Variants in PRKAR1B observed in about 807,000 individuals in gnomAD.
PRKAR1B encodes the protein protein kinase cAMP-dependent type I regulatory subunit beta.
In PRKAR1B, 22 loss-of-function variants were observed where a neutral mutation model predicts 46.5. The observed-to-expected ratio is 0.47, with a 90% CI of 0.34 to 0.68. The LOEUF (loss-of-function observed/expected upper bound fraction) is 0.68. PRKAR1B is among the 30% of genes least tolerant of loss of function. The pLI, the probability that PRKAR1B is intolerant of heterozygous loss-of-function variation, is 0.01. For synonymous variants in PRKAR1B, 259 were observed against 217.7 expected (o/e 1.19, Z -1.67); for missense variants, 445 against 535.6 (o/e 0.83, Z 1.67).
chr7:715,238 T>G (rs73047955), intron 1 of PRKAR1B, among the ~76,000 whole-genome samples: 16,235 of 152,192 alleles, frequency 0.11, 1,188 homozygotes, highest in Middle Eastern at 0.21. Context: ...GGCTTTTTGC[T>G]TTTTGTTAGT....
At chr7:676,445 G>T (rs1277019125) in intron 4 of PRKAR1B, among the ~76,000 whole-genome samples, 4 of 152,200 alleles carry the variant, frequency 2.6e-5, no homozygotes, top group African/African-American at 9.6e-5. Flanking sequence ...CCCCAACGAG[G>T]CTGTGAGCTT....
chr7:561,677 G>A (rs763303700), intron 9 of PRKAR1B, among the ~76,000 whole-genome samples: 3 of 152,262 alleles, frequency 2.0e-5, no homozygotes, highest in Non-Finnish European at 1.5e-5. Flanking sequence ...AACTGTCCTC[G>A]GGACGACAGC....
chr7:618,602 G>A (rs1047246796), intron 4 of PRKAR1B, among the ~76,000 whole-genome samples: 12 of 152,168 alleles, frequency 7.9e-5, no homozygotes, highest in Admixed American at 5.9e-4. Flanking sequence ...TGCCTGACAC[G>A]TTGGGGCTGC....
At chr7:556,722 C>T (rs1367987994) in intron 9 of PRKAR1B, among the ~76,000 whole-genome samples, 1 of 152,164 alleles carries the variant, frequency 6.6e-6, no homozygotes, top group Non-Finnish European at 1.5e-5. Flanking sequence ...CCCCACGCAC[C>T]TCCGGCACGT....
intron 9 of PRKAR1B, among the ~76,000 whole-genome samples, chr7:570,722 G>A (rs534312755): frequency 1.1e-4 from 16 of 152,204 alleles, no homozygotes; most frequent in African/African-American, 3.6e-4. Context: ...CCAGAGTAAC[G>A]CTGGCGTTCC....
intron 9 of PRKAR1B, among the ~76,000 whole-genome samples, chr7:570,570 C>G (rs978708237): frequency 1.3e-5 from 2 of 152,158 alleles, no homozygotes; most frequent in Non-Finnish European, 1.5e-5. Context: ...CCCGCCGTCC[C>G]CTCAGGGTGA....
At chr7:646,109 A>C (rs1360872950) in intron 4 of PRKAR1B, among the ~76,000 whole-genome samples, 5 of 151,950 alleles carry the variant, frequency 3.3e-5, no homozygotes, top group Non-Finnish European at 7.4e-5. Flanking sequence ...GCAGTGGTGC[A>C]ATCATAGCTC....
At chr7:645,892 G>A (rs1001881042) in intron 4 of PRKAR1B, among the ~76,000 whole-genome samples, 2 of 152,168 alleles carry the variant, frequency 1.3e-5, no homozygotes, top group African/African-American at 4.8e-5. Flanking sequence ...GCCCAGCCCC[G>A]ATCTGGTCCC....
chr7:589,667 G>A (rs145485599), intron 7 of PRKAR1B, among the ~76,000 whole-genome samples: 68 of 152,290 alleles, frequency 4.5e-4, no homozygotes, highest in African/African-American at 1.3e-3. Flanking sequence ...ATGGATGCTC[G>A]CACGGCCAGG....
intron 4 of PRKAR1B, among the ~76,000 whole-genome samples, chr7:621,771 T>C (rs1783118765): frequency 6.6e-6 from 1 of 152,128 alleles, no homozygotes; most frequent in African/African-American, 2.4e-5. Flanking sequence ...TTCTGAAGAG[T>C]TAAGCCATCT....
At chr7:559,209 G>A (rs2128424101) in intron 9 of PRKAR1B, among the ~76,000 whole-genome samples, 1 of 152,308 alleles carries the variant, frequency 6.6e-6, no homozygotes, top group South Asian at 2.1e-4. Flanking sequence ...ACAGGTGCCT[G>A]ACGCCAGGAG....
At chr7:713,355 C>T (rs138187134) in intron 1 of PRKAR1B, 209 of 160,460 alleles carry the variant, frequency 1.3e-3, no homozygotes, top group Non-Finnish European at 2.4e-3. Flanking sequence ...ATCCTCCACC[C>T]GCCTGTCCAG....
At chr7:656,197 G>T (rs574361319) in intron 4 of PRKAR1B, among the ~76,000 whole-genome samples, 1 of 152,156 alleles carries the variant, frequency 6.6e-6, no homozygotes, top group Admixed American at 6.5e-5. Context: ...TGAATGAATG[G>T]AAAAATGAAT....
At chr7:617,788 C>T (rs556997622) in intron 4 of PRKAR1B, among the ~76,000 whole-genome samples, 8 of 152,314 alleles carry the variant, frequency 5.3e-5, no homozygotes, top group South Asian at 4.1e-4. Flanking sequence ...GAGCCCAGGA[C>T]GTGGCAGGTC....
intron 4 of PRKAR1B, among the ~76,000 whole-genome samples, chr7:662,343 C>T (rs368621753): frequency 5.4e-5 from 7 of 128,702 alleles, no homozygotes; most frequent in Admixed American, 4.4e-4. Flanking sequence ...ACTCTCCCCC[C>T]CATGGCACAG....
chr7:678,187 T>C (rs1778442839), intron 3 of PRKAR1B, among the ~76,000 whole-genome samples: 1 of 152,176 alleles, frequency 6.6e-6, no homozygotes, highest in Admixed American at 6.5e-5. Flanking sequence ...GAGAATCACC[T>C]GAACCCGGGA....
chr7:696,889 G>A (rs1779770772), intron 2 of PRKAR1B: 1 of 152,472 alleles, frequency 6.6e-6, no homozygotes, highest in Non-Finnish European at 1.5e-5. Flanking sequence ...CCCCTCCCCA[G>A]GGCTGCATGG....
chr7:599,786 G>GGAGTGTGTAATGTGGA (rs1277804242), intron 6 of PRKAR1B, among the ~76,000 whole-genome samples: 94 of 149,786 alleles, frequency 6.3e-4, no homozygotes, highest in East Asian at 9.9e-4. Flanking sequence ...ACATGGGCAG[G>GGAGTGTGTAATGTGGA]CCCCCCATTC....
chr7:727,069 C>G, intron 1 of PRKAR1B, 141 bp downstream of exon 1: 1 of 1,050,730 alleles, frequency 9.5e-7, no homozygotes. Flanking sequence ...CCTGCCGCGC[C>G]TGCTGCCCGC....
Sources: allele counts gnomAD v4.1 joint callset (sites outside exome capture counted in the v4.1 genomes callset), GRCh38; gene constraint gnomAD v4.1.1; transcripts MANE v1.5; gene names NCBI Gene and HGNC (gene_info 2026-07-23, HGNC 2026-07-21).